The following FBN1 variants were observed in gnomAD, a reference collection of about 807,000 sequenced individuals.
FBN1 encodes the protein fibrillin 1, also known as fibrillin-1.
Under a neutral mutation model 365.1 loss-of-function variants are expected in FBN1, and 29 were observed. That is an observed-to-expected ratio of 0.08 (90% CI 0.06 to 0.11). FBN1 has a LOEUF of 0.11. Ranked by LOEUF, FBN1 falls within the 10% of genes least tolerant of loss-of-function variation. The pLI is 1.00. For synonymous variants in FBN1, 1,210 were observed against 1,270.5 expected (o/e 0.95, Z 1.01); for missense variants, 2,476 against 3,703.2 (o/e 0.67, Z 8.60).
At chr15:48,559,725 G>C (rs985874743) in intron 6 of FBN1, among the ~76,000 whole-genome samples, 24 of 152,312 alleles carry the variant, frequency 1.6e-4, no homozygotes, top group African/African-American at 5.3e-4. Context: ...TCGGAAAAGA[G>C]GTTGAAAGAG....
Position 48,483,908 on chromosome 15 carries a change from C to G in FBN1, c.3748G>C (p.Asp1250His). 1 of 1,613,514 alleles carries G rather than the reference C, an allele frequency of 6.2e-7. No homozygotes were observed. Among genetic ancestry groups the G allele is most frequent in the Non-Finnish European group, 8.5e-7 (1 of 1,179,932 alleles). The part of the protein sequence containing the change: ...DECEDNPNIC[D>H]GGQCTNIPGE... The stretch of plus-strand genomic sequence containing the variant: ...GGGATATTTGTGCACTGACCACCAT[C>G]ACAGATATTGGGATTATCTTCACAC... The change falls in exon 31 of 66, where the codon GAT becomes CAT. Residue 1250 changes from aspartate (D) to histidine (H), a missense_variant. Transcript: ENST00000316623.
At chr15:48,429,678 T>C (rs575047797) in intron 56 of FBN1, among the ~76,000 whole-genome samples, 42 of 152,314 alleles carry the variant, frequency 2.8e-4, no homozygotes, top group African/African-American at 4.3e-4. Flanking sequence ...CAGCAGAGGT[T>C]GAGAATTACT....
rs960654284 is a variant in FBN1, at chr15:48,430,542, C to G, written c.6871+129G>C. On this transcript the variant is annotated intron_variant, in intron 56 of 65. Transcript: ENST00000316623. ...GGCAAGGGAACCACCATGGAGAGTC[C>G]TGACATGCGGTTAAGAGAACAAAAT... 3.0e-6 allele frequency: 3 copies of G among 1,004,658 alleles called. No homozygotes were observed. In the African/African-American group the frequency reaches 4.7e-5, roughly 16 times the overall value. 62.2% of individuals were successfully genotyped at this position (1,004,658 alleles called of 1,614,324 possible).
intron 63 of FBN1, among the ~76,000 whole-genome samples, chr15:48,419,638 C>A (rs576379288): frequency 6.6e-6 from 1 of 152,294 alleles, no homozygotes; most frequent in South Asian, 2.1e-4. Flanking sequence ...GCAAAACTGT[C>A]TTGTGTAGAA....
At chr15:48,554,920 T>G (rs940695969) in intron 6 of FBN1, among the ~76,000 whole-genome samples, 1 of 152,228 alleles carries the variant, frequency 6.6e-6, no homozygotes, top group African/African-American at 2.4e-5. Context: ...ATTTTCTGTC[T>G]GATTGTAACT....
chr15:48,516,201 G>C lies in FBN1; in HGVS notation c.1309C>G (p.Pro437Ala). The part of the protein sequence containing the change: ...VPRPPVEYLY[P>A]SREPPRVLPV... ...TTCTTACTTGGTGGCTCCCGAGATG[G>C]ATACAGATATTCCACTGGTGGTCGA... is the stretch of plus-strand genomic sequence containing the variant. Residue 437 changes from proline (P) to alanine (A), a missense_variant, in exon 11 of 66, where the codon CCA becomes GCA. Pro to Ala is a conservative substitution (Grantham distance 27). Around this residue, in one of 5 missense-constraint regions of FBN1, gnomAD observed 421 missense variants for 520.1 expected, o/e 0.81. Coordinates refer to ENST00000316623, the MANE Select transcript of FBN1 (RefSeq NM_000138.5). 1 of 1,613,454 alleles carries C rather than the reference G, an allele frequency of 6.2e-7. No individual in the cohort carries two copies. Among genetic ancestry groups the C allele is most frequent in the Non-Finnish European group, 8.5e-7 (1 of 1,179,610 alleles).
At chr15:48,598,313 T>C (rs2044531418) in intron 5 of FBN1, among the ~76,000 whole-genome samples, 2 of 152,026 alleles carry the variant, frequency 1.3e-5, no homozygotes. Context: ...ATACAAAGAG[T>C]TGTTGTCATA....
intron 2 of FBN1, among the ~76,000 whole-genome samples, chr15:48,621,580 G>A (rs894233625): frequency 2.0e-5 from 3 of 152,148 alleles, no homozygotes; most frequent in Non-Finnish European, 4.4e-5. Context: ...AAGAAAACAT[G>A]ACTACTAAAT....
chr15:48,630,122 ATGGATCCCCTTGGGCATCACAGG>A (rs1258822742), intron 2 of FBN1, among the ~76,000 whole-genome samples: 4 of 152,216 alleles, frequency 2.6e-5, no homozygotes, highest in Non-Finnish European at 4.4e-5. Flanking sequence ...GGTCCAGGGG[ATGGATCCCCTTGGGCATCACAGG>A]TCCTTTTTGA....
intron 63 of FBN1, among the ~76,000 whole-genome samples, chr15:48,418,190 G>A (rs1196139547): frequency 1.3e-5 from 2 of 152,194 alleles, no homozygotes; most frequent in Non-Finnish European, 2.9e-5. Context: ...TTGGGAGAAA[G>A]TGGGCACCCT....
intron 62 of FBN1, 136 bp from the exon 63 acceptor site, chr15:48,420,942 G>A (rs970853042): frequency 1.6e-5 from 15 of 956,708 alleles, no homozygotes; most frequent in Non-Finnish European, 2.3e-5. Flanking sequence ...TCTCTCTTCT[G>A]GAACTGCTGC....
chr15:48,488,252 A>G lies in FBN1; in HGVS notation c.3209-11T>C, dbSNP rs976427727. 6.2e-7 allele frequency: 1 copy of G among 1,614,224 alleles called. No individual in the cohort carries two copies. The highest frequency in any genetic ancestry group is 8.5e-7 in the Non-Finnish European group (1 of 1,180,036). On this transcript the variant is annotated splice_polypyrimidine_tract_variant and intron_variant, in intron 26 of 65. Transcript: ENST00000316623. Reference sequence around the variant, plus strand: ...GGCATTCGTCAATGTCTGCACAAAAACAGCAAGTGGCAGCAAATGAGTCTC... The same window carrying G: ...GGCATTCGTCAATGTCTGCACAAAAGCAGCAAGTGGCAGCAAATGAGTCTC...
At chr15:48,444,110 G>A (rs2043136448) in intron 49 of FBN1, among the ~76,000 whole-genome samples, 1 of 152,146 alleles carries the variant, frequency 6.6e-6, no homozygotes, top group South Asian at 2.1e-4. Flanking sequence ...CATTTCCACT[G>A]CTCTATAGGT....
chr15:48,420,499 A>T (rs2042931720), intron 63 of FBN1, among the ~76,000 whole-genome samples, 188 bp downstream of exon 63: 1 of 96,024 alleles, frequency 1.0e-5, no homozygotes, highest in African/African-American at 2.8e-5. Flanking sequence ...ACCCTCAATT[A>T]TAATTTTTTT....
chr15:48,610,950 T>G, intron 3 of FBN1, 124 bp from the exon 4 acceptor site: 1 of 747,190 alleles, frequency 1.3e-6, no homozygotes, highest in Non-Finnish European at 2.4e-6. Flanking sequence ...TCATGACTTA[T>G]ATGACCTTAA....
intron 6 of FBN1, among the ~76,000 whole-genome samples, chr15:48,566,665 A>G (rs925065121): frequency 2.0e-5 from 3 of 152,300 alleles, no homozygotes; most frequent in Non-Finnish European, 4.4e-5. Flanking sequence ...CTCCTTTGAC[A>G]TGGATGCTTA....
chr15:48,573,192 A>C (rs559610674), intron 6 of FBN1, among the ~76,000 whole-genome samples: 3 of 152,328 alleles, frequency 2.0e-5, no homozygotes, highest in Admixed American at 6.5e-5. Context: ...GGATTGTCTC[A>C]AATTGTTTTT....
intron 5 of FBN1, among the ~76,000 whole-genome samples, chr15:48,598,022 A>C (rs1309658005): frequency 1.3e-5 from 2 of 152,196 alleles, no homozygotes; most frequent in Admixed American, 1.3e-4. Context: ...CCATCTCGCC[A>C]TCTCCACAGC....
rs569363884 is a variant in FBN1 at position 48,448,658 on chromosome 15, T to A, written c.5671+110A>T. On this transcript the variant is annotated intron_variant, in intron 46 of 65. Coordinates refer to ENST00000316623, the MANE Select transcript of FBN1 (RefSeq NM_000138.5). ...CATATCTGTCTGTGTTTTTATTTTG[T>A]ATATAGCAAAAATACTACTAAAAGA... 6.6e-5 allele frequency: 70 copies of A among 1,054,468 alleles called. No homozygotes were observed. In the African/African-American group the frequency reaches 1.1e-3, roughly 17 times the overall value. 65.3% of individuals were successfully genotyped at this position (1,054,468 alleles called of 1,614,324 possible).
Sources: gnomAD v4.1 joint callset for allele counts (sites outside exome capture counted in the v4.1 genomes callset) on GRCh38, gnomAD v4.1.1 for gene constraint, gnomAD v4.1.1 regional missense constraint, MANE v1.5 for transcripts, NCBI Gene and HGNC (gene_info 2026-07-23, HGNC 2026-07-21) for gene names.